The following AKAP9 variants were observed in gnomAD, a reference collection of about 807,000 sequenced individuals.
AKAP9 encodes A-kinase anchor protein 9.
A neutral mutation model predicts 488.5 loss-of-function variants in AKAP9; 311 were observed. That is an observed-to-expected ratio of 0.64 (90% CI 0.58 to 0.70). AKAP9 has a LOEUF of 0.70. Ranked by LOEUF, AKAP9 falls within the 30% of genes least tolerant of loss-of-function variation. The probability of loss-of-function intolerance (pLI) is 0.00; values close to 1 mark genes in which losing one functional copy is unlikely to be tolerated. For missense variants in AKAP9, 4,215 were observed against 4,374.5 expected (o/e 0.96, Z 1.03); for synonymous variants, 1,462 against 1,483.5 (o/e 0.99, Z 0.33).
At chr7:92,066,067 G>A (rs1028282096) in intron 25 of AKAP9, among the ~76,000 whole-genome samples, 6 of 151,978 alleles carry the variant, frequency 3.9e-5, no homozygotes, top group Non-Finnish European at 5.9e-5. Flanking sequence ...TTTGTTTTAT[G>A]GATTTTGTTT....
chr7:92,013,038 C>G (rs1246091500), intron 9 of AKAP9, among the ~76,000 whole-genome samples: 2 of 118,218 alleles, frequency 1.7e-5, no homozygotes, highest in African/African-American at 6.6e-5. Context: ...GTCGCCCAGG[C>G]TGGAGTGCAG....
rs1224746095 is a variant in AKAP9, at chr7:92,089,650, A to G, written c.9358+121A>G. 3.5e-6 allele frequency: 4 copies of G among 1,128,076 alleles called. No individual in the cohort carries two copies. In the Admixed American group the frequency reaches 6.1e-5, roughly 17 times the overall value. The allele number at this position is 1,128,076 out of a possible 1,614,324, so 69.9% of individuals were successfully genotyped here. A position where few individuals can be genotyped will look rare whatever the true frequency, so the allele number is the denominator to read the frequency against. ...TTGGTCACATTTTCTTCTCATTCTC[A>G]TAATGTTAAGGATACAATCTATATT... On this transcript the variant is annotated intron_variant, in intron 38 of 49. Transcript: ENST00000356239.
At chr7:92,067,767 A>G (rs1810998120) in intron 26 of AKAP9, among the ~76,000 whole-genome samples, 2 of 152,326 alleles carry the variant, frequency 1.3e-5, no homozygotes, top group East Asian at 3.9e-4. Flanking sequence ...AGGCAATCCC[A>G]GTTTGTATCA....
chr7:92,014,609 A>G (rs889406173), intron 10 of AKAP9, among the ~76,000 whole-genome samples: 4 of 152,170 alleles, frequency 2.6e-5, no homozygotes, highest in African/African-American at 9.7e-5. Context: ...AGCCTGGGTA[A>G]CAGAGTGGGA....
At chr7:91,942,184 T>A (rs1480969084) in intron 1 of AKAP9, among the ~76,000 whole-genome samples, 2 of 152,180 alleles carry the variant, frequency 1.3e-5, no homozygotes, top group Non-Finnish European at 2.9e-5. Flanking sequence ...GGTAACTGTT[T>A]TTCCTCTCTT....
intron 1 of AKAP9, among the ~76,000 whole-genome samples, chr7:91,960,739 A>T (rs1793625552): frequency 6.6e-6 from 1 of 152,182 alleles, no homozygotes; most frequent in Non-Finnish European, 1.5e-5. Context: ...TACATGTCTT[A>T]CTTTAGCACA....
Position 92,105,616 on chromosome 7 carries a change from G to T in AKAP9, c.11331-62G>T. 4.2e-6 allele frequency: 5 copies of T among 1,192,914 alleles called. No homozygotes were observed. In the South Asian group the frequency reaches 4.9e-5, roughly 12 times the overall value. 73.9% of individuals were successfully genotyped at this position (1,192,914 alleles called of 1,614,324 possible). On this transcript the variant is annotated intron_variant, in intron 46 of 49. Transcript: ENST00000356239. ...TATTTAAACGTGTGATGTGATTTTT[G>T]TAGGAAATGTATATACTGTTTATAG...
chr7:92,040,497 G>A (rs1388721279), intron 17 of AKAP9, among the ~76,000 whole-genome samples, 177 bp from the exon 18 acceptor site: 2 of 151,934 alleles, frequency 1.3e-5, no homozygotes, highest in African/African-American at 4.8e-5. Flanking sequence ...TTTTAGAGTT[G>A]TAATTAAGAA....
intron 20 of AKAP9, chr7:92,043,330 C>T: frequency 1.0e-6 from 1 of 985,030 alleles, no homozygotes; most frequent in South Asian, 4.7e-5. Context: ...CCCATTGGAT[C>T]ATCAGTATGG....
intron 22 of AKAP9, among the ~76,000 whole-genome samples, chr7:92,058,930 C>T (rs962624636): frequency 6.6e-6 from 1 of 151,932 alleles, no homozygotes; most frequent in Non-Finnish European, 1.5e-5. Flanking sequence ...GAACAAGACC[C>T]TTTTCTGCTT....
At chr7:92,012,396 A>G in intron 8 of AKAP9, 33 bp from the exon 9 acceptor site, 4 of 1,547,458 alleles carry the variant, frequency 2.6e-6, no homozygotes, top group Non-Finnish European at 3.6e-6. Flanking sequence ...GTCATTTAAG[A>G]ATATTATAAT....
chr7:91,972,329 A>G (rs1795203069), intron 1 of AKAP9, among the ~76,000 whole-genome samples: 1 of 152,136 alleles, frequency 6.6e-6, no homozygotes, highest in Non-Finnish European at 1.5e-5. Flanking sequence ...AGATATTCCC[A>G]GTACTTCCTG....
intron 40 of AKAP9, among the ~76,000 whole-genome samples, chr7:92,096,336 T>G (rs1238108155): frequency 1.4e-5 from 2 of 146,404 alleles, no homozygotes; most frequent in Admixed American, 6.8e-5. Context: ...TTTTTTTTGT[T>G]TTTTTTTTTT....
At chr7:92,034,246 T>C (rs1804779416) in intron 16 of AKAP9, among the ~76,000 whole-genome samples, 1 of 152,132 alleles carries the variant, frequency 6.6e-6, no homozygotes, top group Admixed American at 6.5e-5. Context: ...GTCAGGAGAC[T>C]TGACTAGAGT....
chr7:92,102,935 G>T, intron 46 of AKAP9, 109 bp downstream of exon 46: 1 of 988,172 alleles, frequency 1.0e-6, no homozygotes, highest in Non-Finnish European at 1.5e-6. Flanking sequence ...TTATATAGTA[G>T]GAGGTATGTG....
At chr7:92,098,432 T>G (rs1166968540) in intron 43 of AKAP9, among the ~76,000 whole-genome samples, 1 of 152,160 alleles carries the variant, frequency 6.6e-6, no homozygotes, top group Non-Finnish European at 1.5e-5. Context: ...CATTGAATAA[T>G]TATGTTGACC....
At chr7:92,077,326 C>G (rs960810514) in intron 29 of AKAP9, among the ~76,000 whole-genome samples, 1 of 151,772 alleles carries the variant, frequency 6.6e-6, no homozygotes, top group Non-Finnish European at 1.5e-5. Flanking sequence ...CTCCTGACCT[C>G]GTGATCCGCC....
At chr7:92,105,831 C>A in intron 47 of AKAP9, 68 bp downstream of exon 47, 1 of 1,360,700 alleles carries the variant, frequency 7.3e-7, no homozygotes, top group Non-Finnish European at 1.0e-6. Flanking sequence ...CACCCCCAGA[C>A]TATGGACCAT....
intron 8 of AKAP9, among the ~76,000 whole-genome samples, chr7:92,007,779 A>G (rs1800121286): frequency 1.3e-5 from 2 of 152,228 alleles, no homozygotes; most frequent in Admixed American, 1.3e-4. Context: ...AACGCAGAAT[A>G]GTAATTGGTG....
Sources: gnomAD v4.1 joint callset for allele counts (sites outside exome capture counted in the v4.1 genomes callset) on GRCh38, gnomAD v4.1.1 for gene constraint, MANE v1.5 for transcripts, NCBI Gene and HGNC (gene_info 2026-07-23, HGNC 2026-07-21) for gene names.